The following ANKFN1 variants were observed in gnomAD, a reference collection of about 807,000 sequenced individuals.
ANKFN1 encodes ankyrin repeat and fibronectin type-III domain-containing protein 1.
ANKFN1 carries 74 observed loss-of-function variants against 108.7 expected under a neutral mutation model. The observed-to-expected ratio is 0.68, with a 90% CI of 0.56 to 0.83. The LOEUF is 0.83. Ranked by LOEUF, ANKFN1 falls within the 40% of genes least tolerant of loss-of-function variation. The pLI, the probability that ANKFN1 is intolerant of heterozygous loss-of-function variation, is 0.00. For synonymous variants in ANKFN1, 547 were observed against 516.2 expected, an observed-to-expected ratio of 1.06 and a Z score of -0.81; for missense variants, 1,505 against 1,382.3, an observed-to-expected ratio of 1.09 and a Z score of -1.41.
chr17:56,115,272 T>C (rs952473220), intron 4 of ANKFN1, among the ~76,000 whole-genome samples: 4 of 152,186 alleles, frequency 2.6e-5, no homozygotes, highest in Admixed American at 1.3e-4. Flanking sequence ...ATTGCTTGTA[T>C]TGATGAACAA....
chr17:56,244,975 T>C (rs538826352), intron 3 of ANKFN1, among the ~76,000 whole-genome samples: 1 of 152,276 alleles, frequency 6.6e-6, no homozygotes, highest in South Asian at 2.1e-4. Flanking sequence ...AAAGAGGCTT[T>C]CAATAATATT....
At chr17:56,380,441 G>A (rs2047062784) in intron 8 of ANKFN1, among the ~76,000 whole-genome samples, 1 of 152,234 alleles carries the variant, frequency 6.6e-6, no homozygotes, top group Admixed American at 6.5e-5. Context: ...GCGCAGGACA[G>A]TGGGTGCAGT....
At chr17:56,322,626 A>G (rs1342499026) in intron 3 of ANKFN1, among the ~76,000 whole-genome samples, 1 of 152,158 alleles carries the variant, frequency 6.6e-6, no homozygotes, top group Admixed American at 6.6e-5. Context: ...ACAGCCCCGG[A>G]ACTCTATGCC....
At position 56,293,631 on chromosome 17, in the gene ANKFN1, A is replaced by T. The variant is rs546252130; in HGVS notation, c.54-32590A>T. Reference sequence around the variant, plus strand: ...TCTCACAAAAGTGAGATGTGGTTGGAGGTCAGGTGATGACCCACGAAGGAC... The same window carrying T: ...TCTCACAAAAGTGAGATGTGGTTGGTGGTCAGGTGATGACCCACGAAGGAC... On this transcript the variant is annotated intron_variant, in intron 3 of 20. Transcript: ENST00000682825. 8.5e-5 allele frequency among the ~76,000 whole-genome samples: 13 copies of T among 152,280 alleles called. No homozygotes were observed. The South Asian group carries it at 2.5e-3, about 29-fold the overall frequency.
At chr17:56,171,317 A>C (rs1419906871) in intron 1 of ANKFN1, among the ~76,000 whole-genome samples, 1 of 152,102 alleles carries the variant, frequency 6.6e-6, no homozygotes, top group African/African-American at 2.4e-5. Context: ...GGAAGGAACA[A>C]TGTACAGACG....
At chr17:56,062,903 T>A (rs899331167) in intron 4 of ANKFN1, among the ~76,000 whole-genome samples, 3 of 152,206 alleles carry the variant, frequency 2.0e-5, no homozygotes, top group Non-Finnish European at 4.4e-5. Flanking sequence ...TTTCAGGAGC[T>A]CTTGCAAGGC....
chr17:56,200,172 A>C (rs887787), intron 1 of ANKFN1, among the ~76,000 whole-genome samples: 108,125 of 152,094 alleles, frequency 0.71, 38,927 homozygotes, highest in East Asian at 0.94. Flanking sequence ...ACAGGTGTGA[A>C]TGAGTTTACT....
At chr17:56,081,385 C>CT (rs1320662465) in intron 4 of ANKFN1, among the ~76,000 whole-genome samples, 1 of 152,052 alleles carries the variant, frequency 6.6e-6, no homozygotes, top group Non-Finnish European at 1.5e-5. Flanking sequence ...CAGAGTCTGA[C>CT]TTTGTTGCCC....
At chr17:56,391,275 A>G (rs2047424886) in intron 8 of ANKFN1, among the ~76,000 whole-genome samples, 3 of 144,300 alleles carry the variant, frequency 2.1e-5, no homozygotes. Flanking sequence ...GTGTACATAT[A>G]TATATGTATA....
At chr17:56,271,648 G>T (rs549824815) in intron 3 of ANKFN1, among the ~76,000 whole-genome samples, 1 of 152,250 alleles carries the variant, frequency 6.6e-6, no homozygotes, top group South Asian at 2.1e-4. Context: ...GACCAGGAAG[G>T]GCAGGGGATT....
intron 3 of ANKFN1, among the ~76,000 whole-genome samples, chr17:56,260,706 A>G (rs973548331): frequency 6.6e-6 from 1 of 152,204 alleles, no homozygotes; most frequent in African/African-American, 2.4e-5. Context: ...GAAACAATTG[A>G]TGAATCCCTC....
At chr17:56,394,278 A>G (rs1195351159) in intron 8 of ANKFN1, among the ~76,000 whole-genome samples, 1 of 152,122 alleles carries the variant, frequency 6.6e-6, no homozygotes, top group East Asian at 1.9e-4. Flanking sequence ...GGCTCCTCCA[A>G]GCTCACTGTC....
At chr17:56,076,376 C>T (rs1225091922) in intron 4 of ANKFN1, among the ~76,000 whole-genome samples, 1 of 152,168 alleles carries the variant, frequency 6.6e-6, no homozygotes, top group African/African-American at 2.4e-5. Context: ...TACAAGCTCT[C>T]AGCACATTTG....
chr17:56,209,800 T>G (rs1914830545), intron 1 of ANKFN1, among the ~76,000 whole-genome samples: 1 of 152,106 alleles, frequency 6.6e-6, no homozygotes, highest in Admixed American at 6.6e-5. Context: ...CAATGTGTAG[T>G]CTTTTATCCC....
At chr17:56,352,610 T>C (rs1193955342) in intron 5 of ANKFN1, among the ~76,000 whole-genome samples, 1 of 152,216 alleles carries the variant, frequency 6.6e-6, no homozygotes, top group Admixed American at 6.5e-5. Context: ...GAAAGAACTT[T>C]TCAAAGGAAC....
intron 1 of ANKFN1, among the ~76,000 whole-genome samples, chr17:56,211,130 G>C (rs974312226): frequency 6.6e-6 from 1 of 152,124 alleles, no homozygotes; most frequent in African/African-American, 2.4e-5. Flanking sequence ...ATTTATCTTT[G>C]TTTTTGTTGC....
chr17:56,213,367 T>C (rs1210607689), intron 2 of ANKFN1, among the ~76,000 whole-genome samples: 1 of 152,126 alleles, frequency 6.6e-6, no homozygotes, highest in Non-Finnish European at 1.5e-5. Context: ...CTACCCCCTA[T>C]AGAAACATGG....
chr17:56,266,156 T>C (rs1037472201), intron 3 of ANKFN1, among the ~76,000 whole-genome samples: 3 of 152,200 alleles, frequency 2.0e-5, no homozygotes, highest in African/African-American at 7.2e-5. Context: ...ATATCTTCCA[T>C]TTGGAAATAC....
intron 3 of ANKFN1, among the ~76,000 whole-genome samples, chr17:56,259,483 A>G (rs1205018578): frequency 6.6e-6 from 1 of 152,126 alleles, no homozygotes; most frequent in African/African-American, 2.4e-5. Flanking sequence ...CCAATTTTCT[A>G]TGGATTGTCC....
Sources: allele counts gnomAD v4.1 joint callset (sites outside exome capture counted in the v4.1 genomes callset), GRCh38; gene constraint gnomAD v4.1.1; transcripts MANE v1.5; gene names NCBI Gene and HGNC (gene_info 2026-07-23, HGNC 2026-07-21).